BCLAF3: variants seen among roughly 807,000 people sequenced by gnomAD.
BCLAF3 encodes the protein BCLAF1 and THRAP3 family member 3, also known as transient octamer binding factor 1.
Under a neutral mutation model 51.2 loss-of-function variants are expected in BCLAF3, and 24 were observed. The observed-to-expected ratio is 0.47, with a 90% CI of 0.34 to 0.66. The LOEUF (loss-of-function observed/expected upper bound fraction) is 0.66. BCLAF3 is among the 30% of genes least tolerant of loss of function. BCLAF3 has a pLI of 0.01. For missense variants in BCLAF3, 465 were observed against 525.1 expected, an observed-to-expected ratio of 0.89 and a Z score of 1.12; for synonymous variants, 152 against 176.6, an observed-to-expected ratio of 0.86 and a Z score of 1.10.
chrX:19,918,203 A>G (rs2069993889), intron 11 of BCLAF3: 1 of 111,683 alleles, frequency 9.0e-6, no homozygotes, highest in Admixed American at 9.6e-5. Context: ...TTATTCTTCT[A>G]TTTTGGTTAA....
At chrX:19,931,519 T>C (rs186945758) in intron 10 of BCLAF3, among the ~76,000 whole-genome samples, 1 of 112,034 alleles carries the variant, frequency 8.9e-6, no homozygotes, top group African/African-American at 3.2e-5. Context: ...AATCATTCAA[T>C]TAAATTCTCC....
intron 1 of BCLAF3, among the ~76,000 whole-genome samples, chrX:19,977,515 T>C (rs138455201): frequency 1.1e-3 from 121 of 112,317 alleles, no homozygotes; most frequent in African/African-American, 3.7e-3. Flanking sequence ...TCTAACTCCA[T>C]TCAATTCTGT....
intron 1 of BCLAF3, among the ~76,000 whole-genome samples, chrX:19,980,920 C>T (rs1161073639): frequency 2.1e-5 from 2 of 96,706 alleles, no homozygotes; most frequent in Non-Finnish European, 4.1e-5. Context: ...GCCTGGGCGA[C>T]AGAGTAAGAC....
intron 4 of BCLAF3, among the ~76,000 whole-genome samples, chrX:19,962,667 T>C (rs2071900423): frequency 1.8e-5 from 2 of 112,425 alleles, no homozygotes; most frequent in South Asian, 7.3e-4. Flanking sequence ...GATGAATAGA[T>C]GTGTAATTAT....
At chrX:19,941,757 TC>T (rs1259349954) in intron 8 of BCLAF3, among the ~76,000 whole-genome samples, 1 of 104,241 alleles carries the variant, frequency 9.6e-6, no homozygotes, top group African/African-American at 3.6e-5. Flanking sequence ...CCATGCGGGC[TC>T]TTTTTTGGTT....
chrX:19,946,688 A>T (rs1017011753), intron 8 of BCLAF3, among the ~76,000 whole-genome samples: 1 of 111,342 alleles, frequency 9.0e-6, no homozygotes, highest in Non-Finnish European at 1.9e-5. Flanking sequence ...GATTGGCCTC[A>T]TCTACTCTCT....
intron 4 of BCLAF3, among the ~76,000 whole-genome samples, chrX:19,963,375 A>G (rs2071930798): frequency 9.1e-6 from 1 of 109,702 alleles, no homozygotes; most frequent in Non-Finnish European, 1.9e-5. Flanking sequence ...CTTGGTACTT[A>G]CAGAAGCTTT....
chrX:19,961,277 A>G (rs1199393396), intron 4 of BCLAF3, among the ~76,000 whole-genome samples: 1 of 112,687 alleles, frequency 8.9e-6, no homozygotes, highest in Non-Finnish European at 1.9e-5. Flanking sequence ...TCTGATAATG[A>G]AGTTTCTGAC....
intron 11 of BCLAF3, among the ~76,000 whole-genome samples, chrX:19,921,340 AAGC>A (rs2070151115): frequency 8.9e-6 from 1 of 112,397 alleles, no homozygotes; most frequent in African/African-American, 3.2e-5. Flanking sequence ...AATATAGTAA[AAGC>A]AGCATTTTCA....
chrX:19,944,634 T>A (rs1306583695), intron 8 of BCLAF3, among the ~76,000 whole-genome samples: 1 of 85,629 alleles, frequency 1.2e-5, no homozygotes, highest in Non-Finnish European at 2.0e-5. Flanking sequence ...GGGTTTCTGC[T>A]GAGAGATCCG....
intron 11 of BCLAF3, among the ~76,000 whole-genome samples, chrX:19,927,606 G>A (rs768092494): frequency 1.8e-5 from 2 of 110,753 alleles, no homozygotes; most frequent in Non-Finnish European, 3.8e-5. Context: ...ATGAGCCTAC[G>A]AATTGACAAA....
At chrX:19,945,007 C>T (rs748847022) in intron 8 of BCLAF3, among the ~76,000 whole-genome samples, 2,092 of 104,870 alleles carry the variant, frequency 0.02, 56 homozygotes, top group African/African-American at 0.053. Flanking sequence ...CTTCCCTTCA[C>T]GCTTCATTTC....
chrX:19,973,600 T>A, intron 1 of BCLAF3, among the ~76,000 whole-genome samples: 1 of 111,571 alleles, frequency 9.0e-6, no homozygotes, highest in South Asian at 3.8e-4. Context: ...TGGCCTTCCC[T>A]CGGTCAGCTT....
At chrX:19,986,408 A>T (rs2072802815) in intron 1 of BCLAF3, among the ~76,000 whole-genome samples, 1 of 112,257 alleles carries the variant, frequency 8.9e-6, no homozygotes, top group South Asian at 3.6e-4. Flanking sequence ...AGATAGCCTC[A>T]ATGCTCTATA....
rs766000673 is a variant in BCLAF3, at chrX:19,970,285, A to G, written c.-21T>C. On this transcript the variant is annotated 5_prime_UTR_variant, in exon 2 of 12. Coordinates refer to ENST00000379682, the MANE Select transcript of BCLAF3 (RefSeq NM_001367774.2). ...GCCATCCTTTGACACGTGAGCCACTATCCACTTTTTACACTGCAAAGAAAC... is the reference window on the plus strand; with the variant it reads ...GCCATCCTTTGACACGTGAGCCACTGTCCACTTTTTACACTGCAAAGAAAC... The G allele has an allele frequency of 5.5e-5, 66 of 1,210,987 alleles. No individual in the cohort carries two copies. Among genetic ancestry groups the G allele is most frequent in the Non-Finnish European group, 7.0e-5 (63 of 894,682 alleles).
In BCLAF3 at chrX:19,990,930, CG is replaced by C. The variant is rs1413959446; in HGVS notation, c.-58del. 2.5e-5 allele frequency among the ~76,000 whole-genome samples: 2 copies of C among 78,450 alleles called. No individual in the cohort carries two copies. The highest frequency in any genetic ancestry group is 1.4e-4 in the African/African-American group (2 of 14,415). The allele number at this position is 78,450 out of a possible 115,157, so 68.1% of individuals were successfully genotyped here. ...CACCCGGCCGGGAAGCCCCCGCCGCCGCCGCCGCCGCCGCCGCCGCCGCCGC... is the reference window on the plus strand; with the variant it reads ...CACCCGGCCGGGAAGCCCCCGCCGCCCCGCCGCCGCCGCCGCCGCCGCCGC... On this transcript the variant is annotated 5_prime_UTR_variant, in exon 1 of 12. Coordinates refer to ENST00000379682, the MANE Select transcript of BCLAF3 (RefSeq NM_001367774.2).
intron 1 of BCLAF3, among the ~76,000 whole-genome samples, chrX:19,972,492 A>G (rs1176939054): frequency 8.9e-6 from 1 of 112,264 alleles, no homozygotes; most frequent in Non-Finnish European, 1.9e-5. Context: ...AACAAAACAT[A>G]TTTATTGATA....
intron 8 of BCLAF3, among the ~76,000 whole-genome samples, chrX:19,944,952 T>G (rs1193264967): frequency 1.0e-5 from 1 of 98,364 alleles, no homozygotes; most frequent in Non-Finnish European, 2.0e-5. Flanking sequence ...AGTCCCATAT[T>G]TCTTGGAGGC....
intron 11 of BCLAF3, among the ~76,000 whole-genome samples, chrX:19,920,160 G>T (rs998770673): frequency 1.8e-5 from 2 of 112,006 alleles, no homozygotes; most frequent in Admixed American, 9.5e-5. Context: ...AAACTTCCCA[G>T]GGTGGTAATG....
Sources: gnomAD v4.1 joint callset for allele counts (sites outside exome capture counted in the v4.1 genomes callset) on GRCh38, gnomAD v4.1.1 for gene constraint, MANE v1.5 for transcripts, NCBI Gene and HGNC (gene_info 2026-07-23, HGNC 2026-07-21) for gene names.